CUEDC1: variants seen among roughly 807,000 people sequenced by gnomAD.
The protein encoded by CUEDC1 is CUE domain-containing protein 1.
Under a neutral mutation model 43.7 loss-of-function variants are expected in CUEDC1, and 30 were observed. The observed-to-expected ratio is 0.69, with a 90% CI of 0.51 to 0.93. The LOEUF is 0.93. Among genes scored for constraint, CUEDC1 ranks in the 40% least tolerant of loss-of-function variants. The probability of loss-of-function intolerance (pLI) is 0.00; values close to 1 mark genes in which losing one functional copy is unlikely to be tolerated. For synonymous variants in CUEDC1, 223 were observed against 223.6 expected (o/e 1.00, Z 0.02); for missense variants, 486 against 549.0 (o/e 0.89, Z 1.15).
chr17:57,949,613 C>A (rs1044886572), intron 1 of CUEDC1, among the ~76,000 whole-genome samples: 3 of 142,000 alleles, frequency 2.1e-5, no homozygotes. Context: ...TGCTCTGACA[C>A]CCAGGCTGGA....
chr17:57,926,525 T>A (rs557211920), intron 1 of CUEDC1, among the ~76,000 whole-genome samples: 3 of 152,212 alleles, frequency 2.0e-5, no homozygotes, highest in African/African-American at 7.2e-5. Context: ...GTGCAGTGGC[T>A]CACACCTGTG....
rs757975279 is a variant in CUEDC1, at chr17:57,885,384, T to C, written c.181A>G (p.Met61Val). 1.8e-5 allele frequency: 29 copies of C among 1,611,830 alleles called. No individual in the cohort carries two copies. Among genetic ancestry groups the C allele is most frequent in the Non-Finnish European group, 2.5e-5 (29 of 1,179,596 alleles). ...ACGCATTCGATGATGTCGTAATCCATGTTGGGGAACATGGTCTTGAAGTCG... is the reference window on the plus strand; with the variant it reads ...ACGCATTCGATGATGTCGTAATCCACGTTGGGGAACATGGTCTTGAAGTCG... ...MDDFKTMFPN[M>V]DYDIIECVLR... is the part of the protein sequence containing the mutation. Residue 61 changes from methionine to valine, a missense_variant, in exon 2 of 11, where the codon ATG becomes GTG. Physicochemically the swap from Met to Val is conservative, Grantham distance 21. Coordinates refer to ENST00000577830, the MANE Select transcript of CUEDC1 (RefSeq NM_001271875.2).
chr17:57,877,475 A>G (rs2144943208), intron 3 of CUEDC1, among the ~76,000 whole-genome samples: 1 of 152,240 alleles, frequency 6.6e-6, no homozygotes, highest in African/African-American at 2.4e-5. Flanking sequence ...ATTTAAAGAA[A>G]AAAAAATCCT....
intron 6 of CUEDC1, among the ~76,000 whole-genome samples, chr17:57,870,105 C>T (rs979726104): frequency 1.3e-5 from 2 of 152,234 alleles, no homozygotes; most frequent in African/African-American, 2.4e-5. Flanking sequence ...CCCTCTGCTC[C>T]TCCACCCCCA....
intron 1 of CUEDC1, among the ~76,000 whole-genome samples, chr17:57,893,493 C>T (rs1487485187): frequency 6.6e-6 from 1 of 152,250 alleles, no homozygotes; most frequent in Admixed American, 6.5e-5. Context: ...CGCTGAGCCT[C>T]CTGCTCCTGC....
chr17:57,901,756 C>T (rs1010563544), intron 1 of CUEDC1, among the ~76,000 whole-genome samples: 2 of 152,222 alleles, frequency 1.3e-5, no homozygotes, highest in African/African-American at 2.4e-5. Flanking sequence ...AAATGGGTTG[C>T]AAGTTTAATT....
intron 1 of CUEDC1, among the ~76,000 whole-genome samples, chr17:57,910,854 C>T (rs1301841061): frequency 6.6e-6 from 1 of 151,974 alleles, no homozygotes; most frequent in Non-Finnish European, 1.5e-5. Flanking sequence ...GGCATGAGAC[C>T]CAGTGTGTCA....
intron 8 of CUEDC1, 65 bp downstream of exon 8, chr17:57,868,085 C>T: frequency 7.4e-7 from 1 of 1,359,290 alleles, no homozygotes; most frequent in South Asian, 1.2e-5. Context: ...GGGAGTCCAA[C>T]AGGGGTCTTG....
At chr17:57,886,483 G>A (rs186357805) in intron 1 of CUEDC1, among the ~76,000 whole-genome samples, 104 of 152,310 alleles carry the variant, frequency 6.8e-4, no homozygotes, top group African/African-American at 2.4e-3. Flanking sequence ...CAGTGTCACC[G>A]GGAGCTTCCA....
intron 6 of CUEDC1, among the ~76,000 whole-genome samples, chr17:57,870,096 C>G (rs2074013528): frequency 6.6e-6 from 1 of 152,232 alleles, no homozygotes; most frequent in African/African-American, 2.4e-5. Flanking sequence ...GCTCCCCATC[C>G]CTCTGCTCCT....
In CUEDC1 at chr17:57,917,895, A is replaced by T. The variant is rs186712975; in HGVS notation, c.-315-32016T>A. ...GGCTTTTTTGCCTTGTGATGCCTCC[A>T]CTAGGAATGCCAGCTGGCTTTTTTG... is the stretch of plus-strand genomic sequence containing the variant. On this transcript the variant is annotated intron_variant, in intron 1 of 10. Transcript: ENST00000577830. 2.0e-5 allele frequency among the ~76,000 whole-genome samples: 3 copies of T among 152,324 alleles called. No homozygotes were observed. In the East Asian group the frequency reaches 5.8e-4, roughly 29 times the overall value.
At chr17:57,902,381 G>A (rs1267400038) in intron 1 of CUEDC1, among the ~76,000 whole-genome samples, 2 of 152,172 alleles carry the variant, frequency 1.3e-5, no homozygotes, top group Non-Finnish European at 2.9e-5. Context: ...GCTTGCTGGT[G>A]GCAAACATAT....
chr17:57,884,624 T>C (rs1344297400), intron 2 of CUEDC1, among the ~76,000 whole-genome samples: 1 of 152,192 alleles, frequency 6.6e-6, no homozygotes, highest in East Asian at 1.9e-4. Context: ...CCTCCCAGAC[T>C]CTGCACAAGC....
At chr17:57,904,563 G>T (rs889846489) in intron 1 of CUEDC1, among the ~76,000 whole-genome samples, 7 of 152,216 alleles carry the variant, frequency 4.6e-5, no homozygotes, top group Non-Finnish European at 8.8e-5. Context: ...CCTGTCCTTA[G>T]TTCCCCGGGA....
At chr17:57,904,801 G>A (rs1392866258) in intron 1 of CUEDC1, among the ~76,000 whole-genome samples, 4 of 152,134 alleles carry the variant, frequency 2.6e-5, no homozygotes, top group South Asian at 2.1e-4. Context: ...ACCCTTCCTC[G>A]GCTCTGCAGG....
intron 1 of CUEDC1, among the ~76,000 whole-genome samples, chr17:57,935,406 A>ACACAC (rs2074851488): frequency 1.3e-5 from 1 of 77,010 alleles, no homozygotes; most frequent in Non-Finnish European, 3.4e-5. Flanking sequence ...CACACACACA[A>ACACAC]ACACACACAC....
intron 8 of CUEDC1, 116 bp from the exon 9 acceptor site, chr17:57,867,531 A>G (rs2144912077): frequency 1.1e-6 from 1 of 902,806 alleles, no homozygotes; most frequent in East Asian, 2.6e-5. Flanking sequence ...TGACACACCC[A>G]CCTGACCCCC....
intron 10 of CUEDC1, among the ~76,000 whole-genome samples, chr17:57,866,158 G>T (rs1222064374): frequency 6.6e-6 from 1 of 152,180 alleles, no homozygotes; most frequent in Non-Finnish European, 1.5e-5. Flanking sequence ...TGTGCTACGT[G>T]TGTCCTGGAC....
At chr17:57,882,833 GATAC>G (rs2074232468) in intron 2 of CUEDC1, among the ~76,000 whole-genome samples, 1 of 152,164 alleles carries the variant, frequency 6.6e-6, no homozygotes, top group Admixed American at 6.5e-5. Context: ...TACAGTATAT[GATAC>G]ATACAACACA....
Sources: gnomAD v4.1 joint callset for allele counts (sites outside exome capture counted in the v4.1 genomes callset) on GRCh38, gnomAD v4.1.1 for gene constraint, MANE v1.5 for transcripts, NCBI Gene and HGNC (gene_info 2026-07-23, HGNC 2026-07-21) for gene names.